The following ARFGEF3 variants were observed in gnomAD, a reference collection of about 807,000 sequenced individuals.
The protein encoded by ARFGEF3 is ARFGEF family member 3.
Under a neutral mutation model 221.7 loss-of-function variants are expected in ARFGEF3, and 96 were observed. That is an observed-to-expected ratio of 0.43 (90% CI 0.37 to 0.51). ARFGEF3 has a LOEUF of 0.51. Ranked by LOEUF, ARFGEF3 falls within the 20% of genes least tolerant of loss-of-function variation. ARFGEF3 has a pLI of 0.00. For missense variants in ARFGEF3, 2,410 were observed against 2,789.9 expected (o/e 0.86, Z 3.07); for synonymous variants, 1,145 against 1,126.8 (o/e 1.02, Z -0.32).
At position 138,336,498 on chromosome 6, in the gene ARFGEF3, T is replaced by C; in HGVS notation, c.*12T>C. 4 of 1,590,378 alleles carry C rather than the reference T, an allele frequency of 2.5e-6. No homozygotes were observed. Among genetic ancestry groups the C allele is most frequent in the Non-Finnish European group, 3.4e-6 (4 of 1,167,938 alleles). On this transcript the variant is annotated 3_prime_UTR_variant, in exon 34 of 34. Transcript: ENST00000251691. ...ACATCATTGTGTAGCCGACTCCTGT[T>C]CTACTCTCCCACCAAATAACAGTAG...
chr6:138,298,821 TCTTA>T (rs1170985292), intron 22 of ARFGEF3, 36 bp downstream of exon 22: 33 of 1,542,022 alleles, frequency 2.1e-5, no homozygotes, highest in Non-Finnish European at 2.8e-5. Flanking sequence ...CATAGCTGGC[TCTTA>T]CTGAGTGCAG....
intron 11 of ARFGEF3, 88 bp from the exon 12 acceptor site, chr6:138,262,613 G>A (rs1778814272): frequency 1.5e-6 from 2 of 1,343,380 alleles, no homozygotes; most frequent in Admixed American, 2.2e-5. Context: ...ATACTTTGCT[G>A]TTTGCCAGGC....
chr6:138,266,305 G>T (rs1053861316), intron 12 of ARFGEF3, among the ~76,000 whole-genome samples: 2 of 151,870 alleles, frequency 1.3e-5, no homozygotes, highest in African/African-American at 2.4e-5. Flanking sequence ...GCAGGGCAGG[G>T]CAGGGCAAGG....
intron 22 of ARFGEF3, among the ~76,000 whole-genome samples, chr6:138,303,945 A>G (rs1224084630): frequency 1.3e-5 from 2 of 150,266 alleles, no homozygotes; most frequent in African/African-American, 2.4e-5. Context: ...TTCATGCCCT[A>G]CTGGTGAGAG....
intron 9 of ARFGEF3, 119 bp downstream of exon 9, chr6:138,254,103 T>C: frequency 1.6e-6 from 1 of 622,348 alleles, no homozygotes; most frequent in South Asian, 2.3e-5. Context: ...CATCTGTGCG[T>C]AAATGTCTTA....
At chr6:138,289,551 A>C (rs1003090034) in intron 17 of ARFGEF3, among the ~76,000 whole-genome samples, 1 of 152,220 alleles carries the variant, frequency 6.6e-6, no homozygotes, top group African/African-American at 2.4e-5. Flanking sequence ...CCTGACCCAG[A>C]GCCCATGAAA....
At chr6:138,283,700 C>T (rs551906154) in intron 14 of ARFGEF3, among the ~76,000 whole-genome samples, 1 of 152,300 alleles carries the variant, frequency 6.6e-6, no homozygotes, top group African/African-American at 2.4e-5. Context: ...AATTTTAGCA[C>T]AGAAATAAGC....
In ARFGEF3 at chr6:138,328,014, C is replaced by T. The variant is rs1390775913; in HGVS notation, c.5002-7C>T. 1 of 1,551,594 alleles carries T rather than the reference C, an allele frequency of 6.4e-7. No homozygotes were observed. Among genetic ancestry groups the T allele is most frequent in the Non-Finnish European group, 8.7e-7 (1 of 1,146,746 alleles). On this transcript the variant is annotated splice_region_variant and splice_polypyrimidine_tract_variant and intron_variant, in intron 31 of 33. Transcript: ENST00000251691. ...GTTCTGAAATGTACCTTTGCACCCCCATACAGGTGTTTATGCTGGACACCC... is the reference window on the plus strand; with the variant it reads ...GTTCTGAAATGTACCTTTGCACCCCTATACAGGTGTTTATGCTGGACACCC...
chr6:138,210,826 T>C (rs1227639775), intron 4 of ARFGEF3, among the ~76,000 whole-genome samples: 1 of 152,244 alleles, frequency 6.6e-6, no homozygotes, highest in African/African-American at 2.4e-5. Context: ...GATTTCTTCC[T>C]GGAAATGCAC....
At chr6:138,232,934 C>T (rs1213148879) in intron 5 of ARFGEF3, among the ~76,000 whole-genome samples, 1 of 152,096 alleles carries the variant, frequency 6.6e-6, no homozygotes, top group Non-Finnish European at 1.5e-5. Context: ...TATATTGCTC[C>T]CTGGCTCCCC....
At chr6:138,328,241 C>T in intron 32 of ARFGEF3, 99 bp downstream of exon 32, 1 of 1,349,138 alleles carries the variant, frequency 7.4e-7, no homozygotes, top group Non-Finnish European at 9.9e-7. Context: ...GCCAGAAATA[C>T]TGAAAACATT....
chr6:138,209,576 A>G (rs1777682805), intron 3 of ARFGEF3, among the ~76,000 whole-genome samples: 1 of 151,994 alleles, frequency 6.6e-6, no homozygotes, highest in Non-Finnish European at 1.5e-5. Context: ...CAGCCTCCCG[A>G]GTAGCTGGGA....
chr6:138,239,091 T>C (rs1778346666), intron 6 of ARFGEF3, among the ~76,000 whole-genome samples: 1 of 152,068 alleles, frequency 6.6e-6, no homozygotes, highest in South Asian at 2.1e-4. Context: ...AAACTTGTCT[T>C]CTCTCTATCA....
intron 32 of ARFGEF3, among the ~76,000 whole-genome samples, chr6:138,328,751 C>A (rs1339345692): frequency 2.0e-5 from 3 of 152,054 alleles, no homozygotes; most frequent in Non-Finnish European, 4.4e-5. Context: ...AACTGTAATC[C>A]CAGAACCGCA....
At chr6:138,298,559 A>G in intron 21 of ARFGEF3, 47 bp from the exon 22 acceptor site, 1 of 1,522,858 alleles carries the variant, frequency 6.6e-7, no homozygotes. Flanking sequence ...AACCATTCTC[A>G]CTGTCTGCTG....
intron 13 of ARFGEF3, 64 bp from the exon 14 acceptor site, chr6:138,279,935 C>A: frequency 6.6e-7 from 1 of 1,526,308 alleles, no homozygotes; most frequent in Non-Finnish European, 9.0e-7. Flanking sequence ...GCAGCAGAGG[C>A]ACTTAGGAGC....
chr6:138,173,999 T>C (rs941459544), intron 2 of ARFGEF3, among the ~76,000 whole-genome samples: 1 of 152,194 alleles, frequency 6.6e-6, no homozygotes, highest in African/African-American at 2.4e-5. Flanking sequence ...CAAGCATTCT[T>C]GTACAGAGAA....
intron 4 of ARFGEF3, among the ~76,000 whole-genome samples, chr6:138,212,295 A>C (rs951295055): frequency 6.6e-6 from 1 of 152,260 alleles, no homozygotes; most frequent in African/African-American, 2.4e-5. Context: ...TGGGAGGCCA[A>C]GGCAGGGGGA....
chr6:138,162,395 G>A lies in ARFGEF3; in HGVS notation c.85+224G>A, dbSNP rs968627815. On this transcript the variant is annotated intron_variant, in intron 1 of 33. Transcript: ENST00000251691. The surrounding 1 kb of genome is among the most constrained non-coding windows in gnomAD (Gnocchi z 4.7). The stretch of plus-strand genomic sequence containing the variant: ...TTTCACTCTCCGAAACCTTCCTCGG[G>A]AACCGCTGTCCTCCCTGCCTGGCGG... 2.0e-5 allele frequency among the ~76,000 whole-genome samples: 3 copies of A among 152,202 alleles called. No individual in the cohort carries two copies. Among genetic ancestry groups the A allele is most frequent in the African/African-American group, 4.8e-5 (2 of 41,462 alleles).
Sources: gnomAD v4.1 joint callset for allele counts (sites outside exome capture counted in the v4.1 genomes callset) on GRCh38, gnomAD v4.1.1 for gene constraint, Gnocchi (gnomAD v3.1) non-coding constraint, MANE v1.5 for transcripts, NCBI Gene and HGNC (gene_info 2026-07-23, HGNC 2026-07-21) for gene names.